USP25: variants seen among roughly 807,000 people sequenced by gnomAD.
The protein encoded by USP25 is ubiquitin specific peptidase 25, also known as ubiquitin carboxyl-terminal hydrolase 25.
A neutral mutation model predicts 158.5 loss-of-function variants in USP25; 85 were observed. The observed-to-expected ratio is 0.54, with a 90% CI of 0.45 to 0.64. USP25 has a LOEUF of 0.64. USP25 is among the 30% of genes least tolerant of loss of function. The probability of loss-of-function intolerance (pLI) is 0.00; values close to 1 mark genes in which losing one functional copy is unlikely to be tolerated. For missense variants in USP25, 1,242 were observed against 1,327.3 expected, an observed-to-expected ratio of 0.94 and a Z score of 1.00; for synonymous variants, 464 against 460.4, an observed-to-expected ratio of 1.01 and a Z score of -0.10.
At chr21:15,859,145 A>G (rs1380637349) in intron 20 of USP25, among the ~76,000 whole-genome samples, 1 of 148,224 alleles carries the variant, frequency 6.7e-6, no homozygotes, top group Non-Finnish European at 1.5e-5. Flanking sequence ...TAATATATCT[A>G]TATTATATAG....
intron 6 of USP25, among the ~76,000 whole-genome samples, 190 bp from the exon 7 acceptor site, chr21:15,804,931 G>A (rs2036305580): frequency 6.6e-6 from 1 of 152,048 alleles, no homozygotes; most frequent in South Asian, 2.1e-4. Context: ...GCCTTTTTGT[G>A]CTGGACTTCT....
At chr21:15,763,850 C>T (rs1262732208) in intron 2 of USP25, among the ~76,000 whole-genome samples, 1 of 152,064 alleles carries the variant, frequency 6.6e-6, no homozygotes, top group Non-Finnish European at 1.5e-5. Context: ...CTAGCTCATC[C>T]TAATAATAAA....
intron 1 of USP25, among the ~76,000 whole-genome samples, chr21:15,738,705 T>A (rs1417096460): frequency 6.6e-6 from 1 of 152,174 alleles, no homozygotes; most frequent in Admixed American, 6.5e-5. Context: ...CATATTGTCT[T>A]ATGCCCAATT....
intron 8 of USP25, among the ~76,000 whole-genome samples, chr21:15,809,362 C>A (rs532146748): frequency 3.9e-5 from 6 of 152,206 alleles, no homozygotes; most frequent in African/African-American, 1.2e-4. Context: ...TGACACACAT[C>A]ACTTCTGCAA....
intron 3 of USP25, among the ~76,000 whole-genome samples, chr21:15,770,241 G>A (rs1035510029): frequency 6.6e-6 from 1 of 152,054 alleles, no homozygotes; most frequent in African/African-American, 2.4e-5. Flanking sequence ...TTTCTAATAT[G>A]TAAAACGATT....
chr21:15,831,803 A>G (rs911282541), intron 16 of USP25, among the ~76,000 whole-genome samples, 174 bp downstream of exon 16: 1 of 152,200 alleles, frequency 6.6e-6, no homozygotes, highest in Non-Finnish European at 1.5e-5. Flanking sequence ...AAGAATTCGT[A>G]TATATTTTGT....
Position 15,796,648 on chromosome 21 carries a change from TTTAAG to T in USP25, c.556-3105_556-3101del, listed in dbSNP as rs1266710571. ...CTTCCTAGTTTCTGAATTATATAGT[TTTAAG>T]TTATCTCAGAATTTATTGGATTAAG... On this transcript the variant is annotated intron_variant, in intron 5 of 25. Transcript: ENST00000400183. Among the ~76,000 whole-genome samples, 3 of 151,546 alleles carry T rather than the reference TTTAAG, an allele frequency of 2.0e-5. No homozygotes were observed. In the East Asian group the frequency reaches 5.8e-4, roughly 29 times the overall value.
chr21:15,861,623 A>T (rs1034771062), intron 20 of USP25, among the ~76,000 whole-genome samples: 3 of 152,194 alleles, frequency 2.0e-5, no homozygotes, highest in African/African-American at 7.2e-5. Flanking sequence ...TTGAATAAAT[A>T]TGATTCCAGT....
At chr21:15,740,044 T>C (rs898359585) in intron 1 of USP25, among the ~76,000 whole-genome samples, 23 of 152,346 alleles carry the variant, frequency 1.5e-4, no homozygotes, top group African/African-American at 5.1e-4. Flanking sequence ...ATATTTTAAA[T>C]GCCCAGCAAT....
intron 18 of USP25, among the ~76,000 whole-genome samples, chr21:15,846,164 T>A (rs1366009542): frequency 3.4e-5 from 4 of 117,534 alleles, no homozygotes; most frequent in Non-Finnish European, 7.2e-5. Flanking sequence ...ATATATTTTT[T>A]TTTTTTTTTT....
rs1449827682 is a variant in USP25 at position 15,875,441 on chromosome 21, C to T, written c.3009+915C>T. On this transcript the variant is annotated intron_variant, in intron 24 of 25. Coordinates refer to ENST00000400183, the MANE Select transcript of USP25 (RefSeq NM_001283041.3). This position sits in a 1 kb window ranked among gnomAD's most constrained non-coding sequence, Gnocchi z 4.7. ...TTAGTGTTCCTTTCAGATTTTTTCA[C>T]GTTGTATATTTACAAAGTGTCAGGT... Among the ~76,000 whole-genome samples, 1 of 152,006 alleles carries T rather than the reference C, an allele frequency of 6.6e-6. No homozygotes were observed. Among genetic ancestry groups the T allele is most frequent in the Non-Finnish European group, 1.5e-5 (1 of 68,010 alleles).
intron 18 of USP25, among the ~76,000 whole-genome samples, chr21:15,845,393 A>C (rs905830778): frequency 6.6e-6 from 1 of 152,178 alleles, no homozygotes; most frequent in Admixed American, 6.5e-5. Flanking sequence ...ATTTTACTCT[A>C]GTGAGCCCTT....
chr21:15,749,829 A>C (rs1269967262), intron 1 of USP25, among the ~76,000 whole-genome samples: 3 of 151,664 alleles, frequency 2.0e-5, no homozygotes, highest in Admixed American at 6.6e-5. Context: ...CAAGGGACAA[A>C]TCTTCAATGA....
At chr21:15,854,132 A>G (rs908702684) in intron 20 of USP25, among the ~76,000 whole-genome samples, 5 of 150,840 alleles carry the variant, frequency 3.3e-5, no homozygotes, top group Admixed American at 3.3e-4. Context: ...TTGAGGGAAA[A>G]GTTGTTTGTT....
intron 18 of USP25, 73 bp downstream of exon 18, chr21:15,842,613 C>T: frequency 6.4e-7 from 1 of 1,556,914 alleles, no homozygotes; most frequent in East Asian, 2.2e-5. Context: ...TGGAGAGGGA[C>T]CTGTCAGGGA....
intron 1 of USP25, among the ~76,000 whole-genome samples, chr21:15,754,759 G>A (rs948782984): frequency 6.6e-6 from 1 of 152,160 alleles, no homozygotes; most frequent in Admixed American, 6.5e-5. Flanking sequence ...CCTCAGACAA[G>A]TCATAGAATA....
At chr21:15,754,856 G>A (rs533050403) in intron 1 of USP25, among the ~76,000 whole-genome samples, 16 of 152,244 alleles carry the variant, frequency 1.1e-4, no homozygotes, top group African/African-American at 3.9e-4. Context: ...TTTGCTTTCT[G>A]GCTATTTAGA....
At chr21:15,800,083 T>TG (rs1248799228) in intron 6 of USP25, among the ~76,000 whole-genome samples, 1 of 151,198 alleles carries the variant, frequency 6.6e-6, no homozygotes, top group Admixed American at 6.6e-5. Flanking sequence ...GTAATTTTTT[T>TG]GGGGGGGACT....
chr21:15,833,245 A>G, intron 16 of USP25, 103 bp from the exon 17 acceptor site: 8 of 1,087,902 alleles, frequency 7.4e-6, no homozygotes, highest in Non-Finnish European at 1.1e-5. Flanking sequence ...CTGAGTGGTA[A>G]TAATTCATAG....
Sources: allele counts gnomAD v4.1 joint callset (sites outside exome capture counted in the v4.1 genomes callset), GRCh38; gene constraint gnomAD v4.1.1; non-coding constraint Gnocchi (gnomAD v3.1); transcripts MANE v1.5; gene names NCBI Gene and HGNC (gene_info 2026-07-23, HGNC 2026-07-21).